Variants in CPNE4 observed in about 807,000 individuals in gnomAD.
The protein encoded by CPNE4 is copine 4.
A neutral mutation model predicts 67.9 loss-of-function variants in CPNE4; 25 were observed. The ratio of observed to expected loss-of-function variants is 0.37; its 90% CI spans 0.27 to 0.51. CPNE4 has a LOEUF of 0.51. CPNE4 is among the 20% of genes least tolerant of loss of function. The probability of loss-of-function intolerance (pLI) is 0.93; values close to 1 mark genes in which losing one functional copy is unlikely to be tolerated. For missense variants in CPNE4, 464 were observed against 690.8 expected, an observed-to-expected ratio of 0.67 and a Z score of 3.68; for synonymous variants, 242 against 244.9, an observed-to-expected ratio of 0.99 and a Z score of 0.11.
chr3:131,719,029 T>C (rs2081813804), intron 3 of CPNE4, among the ~76,000 whole-genome samples: 1 of 152,240 alleles, frequency 6.6e-6, no homozygotes, highest in Non-Finnish European at 1.5e-5. Flanking sequence ...ATCACCTGGC[T>C]GACAATATGA....
chr3:131,966,191 T>C (rs1053507165), intron 1 of CPNE4, among the ~76,000 whole-genome samples: 3 of 152,046 alleles, frequency 2.0e-5, no homozygotes, highest in African/African-American at 7.2e-5. Flanking sequence ...AAAGATACAA[T>C]GTACCAGAAT....
At chr3:131,653,562 C>T (rs116009253) in intron 7 of CPNE4, among the ~76,000 whole-genome samples, 2,050 of 152,266 alleles carry the variant, frequency 0.013, 44 homozygotes, top group African/African-American at 0.046. Context: ...CACATCACTC[C>T]TCTGCATAGA....
At chr3:131,656,901 G>A (rs2079984635) in intron 7 of CPNE4, among the ~76,000 whole-genome samples, 1 of 152,076 alleles carries the variant, frequency 6.6e-6, no homozygotes, top group African/African-American at 2.4e-5. Context: ...CAATGGAGAG[G>A]GACAGGTGGG....
intron 5 of CPNE4, among the ~76,000 whole-genome samples, chr3:131,694,695 CCAAGTAGG>C (rs2081110182): frequency 6.6e-6 from 1 of 152,176 alleles, no homozygotes; most frequent in Non-Finnish European, 1.5e-5. Flanking sequence ...CCCAGGACCA[CCAAGTAGG>C]CACTCTGGTA....
At chr3:131,658,315 G>A (rs1051155304) in intron 7 of CPNE4, among the ~76,000 whole-genome samples, 23 of 152,256 alleles carry the variant, frequency 1.5e-4, no homozygotes, top group South Asian at 6.2e-4. Context: ...TGCAGCACGA[G>A]TGGCCTCTGT....
At chr3:131,552,310 T>C (rs934990056) in intron 13 of CPNE4, 130 bp downstream of exon 13, 2 of 778,206 alleles carry the variant, frequency 2.6e-6, no homozygotes, top group South Asian at 1.7e-5. Flanking sequence ...GCATGGTTTA[T>C]GTTGATACAG....
chr3:131,696,474 G>A (rs2081160734), intron 5 of CPNE4, 68 bp downstream of exon 5: 1 of 1,429,400 alleles, frequency 7.0e-7, no homozygotes, highest in African/African-American at 1.4e-5. Flanking sequence ...AGTTGCAGGG[G>A]GAAATCTGAT....
chr3:131,974,244 T>C (rs931173404), intron 1 of CPNE4, among the ~76,000 whole-genome samples: 4 of 152,206 alleles, frequency 2.6e-5, no homozygotes, highest in African/African-American at 9.6e-5. Context: ...TTAATTTCTA[T>C]TTTCCTTCAC....
At chr3:131,634,979 T>G (rs2079337552) in intron 7 of CPNE4, among the ~76,000 whole-genome samples, 1 of 152,186 alleles carries the variant, frequency 6.6e-6, no homozygotes. Context: ...ATTATTTCAT[T>G]TATAGCTTAT....
chr3:131,976,986 G>T (rs1390629711), intron 1 of CPNE4, among the ~76,000 whole-genome samples: 1 of 151,940 alleles, frequency 6.6e-6, no homozygotes, highest in Non-Finnish European at 1.5e-5. Flanking sequence ...ATTTTTAGTA[G>T]AGATGGGATT....
intron 11 of CPNE4, among the ~76,000 whole-genome samples, chr3:131,556,895 G>A (rs1461482602): frequency 1.3e-5 from 2 of 152,052 alleles, no homozygotes; most frequent in Admixed American, 1.3e-4. Flanking sequence ...CCTGCTAGAT[G>A]ATGTATCTAT....
At chr3:131,693,894 C>A (rs1456818855) in intron 5 of CPNE4, among the ~76,000 whole-genome samples, 1 of 152,162 alleles carries the variant, frequency 6.6e-6, no homozygotes, top group Non-Finnish European at 1.5e-5. Flanking sequence ...CTGTTTGAGT[C>A]CCTCTCTTGC....
At position 131,593,890 on chromosome 3, in the gene CPNE4, A is replaced by T. The variant is rs559692397; in HGVS notation, c.682-6308T>A. Among the ~76,000 whole-genome samples, 15 of 150,586 alleles carry T rather than the reference A, an allele frequency of 1.0e-4. No homozygotes were observed. In the South Asian group the frequency reaches 2.1e-3, roughly 21 times the overall value. ...CCATGCCCAGCTAATTATTATTATT[A>T]TTTTTTTTTAGTAGAGATGGGGTTT... On this transcript the variant is annotated intron_variant, in intron 7 of 15. Coordinates refer to ENST00000429747, the MANE Select transcript of CPNE4 (RefSeq NM_130808.3).
chr3:131,650,571 C>T (rs1051460472), intron 7 of CPNE4, among the ~76,000 whole-genome samples: 6 of 143,606 alleles, frequency 4.2e-5, no homozygotes, highest in South Asian at 4.2e-4. Context: ...CGGTGAAACC[C>T]CGTCTCTACT....
intron 1 of CPNE4, among the ~76,000 whole-genome samples, chr3:131,942,449 TGTGTGTGTGTGTGTGAGAGAGAGAGAGA>T (rs1207177549): frequency 1.5e-4 from 9 of 61,722 alleles, no homozygotes; most frequent in African/African-American, 5.2e-4. Flanking sequence ...TGTGTGTGTG[TGTGTGTGTGTGTGTGAGAGAGAGAGAGA>T]GAGAGAGAGA....
chr3:131,580,842 T>C (rs1255558378), intron 9 of CPNE4, among the ~76,000 whole-genome samples: 2 of 152,196 alleles, frequency 1.3e-5, no homozygotes, highest in African/African-American at 4.8e-5. Context: ...GTCTTGTTTT[T>C]ATGGTACGCT....
At chr3:131,853,954 A>G (rs951814863) in intron 2 of CPNE4, among the ~76,000 whole-genome samples, 27 of 151,902 alleles carry the variant, frequency 1.8e-4, no homozygotes, top group African/African-American at 6.5e-4. Context: ...GTCAAATAGT[A>G]TAACCACTTT....
At chr3:131,980,171 C>T (rs1434562493) in intron 1 of CPNE4, among the ~76,000 whole-genome samples, 1 of 152,110 alleles carries the variant, frequency 6.6e-6, no homozygotes. Flanking sequence ...TGAAAATGTG[C>T]CTAGGTGAAT....
intron 2 of CPNE4, among the ~76,000 whole-genome samples, chr3:131,723,932 C>T (rs1200652962): frequency 6.6e-6 from 1 of 151,780 alleles, no homozygotes; most frequent in African/African-American, 2.4e-5. Context: ...AACTGAGGTC[C>T]AGGGAATTGA....
Sources: gnomAD v4.1 joint callset for allele counts (sites outside exome capture counted in the v4.1 genomes callset) on GRCh38, gnomAD v4.1.1 for gene constraint, MANE v1.5 for transcripts, NCBI Gene and HGNC (gene_info 2026-07-23, HGNC 2026-07-21) for gene names.